Variants in AQP9 observed in about 807,000 individuals in gnomAD.
The protein encoded by AQP9 is aquaporin 9, also known as aquaporin-9.
In AQP9, 19 loss-of-function variants were observed where a neutral mutation model predicts 23.8. That is an observed-to-expected ratio of 0.80 (90% CI 0.56 to 1.17). The LOEUF is 1.17. Ranked by LOEUF, AQP9 falls within the 50% of genes most tolerant of loss-of-function variation. The probability of loss-of-function intolerance (pLI) is 0.00; values close to 1 mark genes in which losing one functional copy is unlikely to be tolerated. For missense variants in AQP9, 413 were observed against 362.0 expected (o/e 1.14, Z -1.14); for synonymous variants, 153 against 131.5 (o/e 1.16, Z -1.12).
chr15:58,140,206 T>C (rs1335616205), intron 1 of AQP9, among the ~76,000 whole-genome samples: 10 of 152,030 alleles, frequency 6.6e-5, no homozygotes, highest in African/African-American at 1.9e-4. Context: ...TCTTTTTTTT[T>C]TTTTTTTTGC....
intron 1 of AQP9, 174 bp downstream of exon 1, chr15:58,138,850 T>C (rs951781796): frequency 8.6e-6 from 5 of 580,692 alleles, no homozygotes; most frequent in Non-Finnish European, 1.5e-5. Flanking sequence ...GGTTGTGATA[T>C]TAAGTTTTCA....
At chr15:58,171,112 G>T (rs145463519) in intron 2 of AQP9, among the ~76,000 whole-genome samples, 2 of 136,216 alleles carry the variant, frequency 1.5e-5, no homozygotes. Flanking sequence ...TTTTTGAGAC[G>T]GAGTTTCGCT....
intron 1 of AQP9, among the ~76,000 whole-genome samples, chr15:58,139,918 A>T (rs1897923731): frequency 6.6e-6 from 1 of 152,216 alleles, no homozygotes; most frequent in Admixed American, 6.5e-5. Context: ...GTAGTAAGAC[A>T]TTATGTAAGT....
At chr15:58,140,533 T>C (rs1263040632) in intron 1 of AQP9, among the ~76,000 whole-genome samples, 2 of 152,206 alleles carry the variant, frequency 1.3e-5, no homozygotes, top group Admixed American at 6.5e-5. Flanking sequence ...TGTTGGAGCT[T>C]GTGGGGATGT....
chr15:58,160,136 A>G (rs8042624), intron 1 of AQP9, among the ~76,000 whole-genome samples: 71,491 of 152,100 alleles, frequency 0.47, 18,135 homozygotes, highest in Admixed American at 0.62. Context: ...CAGCGTATAA[A>G]TGTTCCTCTT....
rs146630455 is a variant in AQP9 at position 58,172,335 on chromosome 15, T to C, written c.239-733T>C. On this transcript the variant is annotated intron_variant, in intron 2 of 5. Coordinates refer to ENST00000219919, the MANE Select transcript of AQP9 (RefSeq NM_020980.5). ...TATTTGATAAATGCTGCTGTTGTTG[T>C]TACTAGCAAAGCCAGCTGGGGATGT... 1.2e-4 allele frequency among the ~76,000 whole-genome samples: 18 copies of C among 152,336 alleles called. No homozygotes were observed. The South Asian group carries it at 2.9e-3, about 25-fold the overall frequency.
chr15:58,150,511 C>CTTCATAGATATAGTAAGACTA (rs1898128681), intron 1 of AQP9: 1 of 152,644 alleles, frequency 6.6e-6, no homozygotes, highest in Non-Finnish European at 1.5e-5. Context: ...GATATTGACA[C>CTTCATAGATATAGTAAGACTA]TTCATAGATA....
At chr15:58,168,064 C>G (rs1462443741) in intron 2 of AQP9, among the ~76,000 whole-genome samples, 4 of 151,974 alleles carry the variant, frequency 2.6e-5, no homozygotes, top group South Asian at 2.1e-4. Flanking sequence ...CTCTGTTGCC[C>G]AGGCTGGAGT....
chr15:58,166,193 G>C (rs575927694), intron 1 of AQP9, among the ~76,000 whole-genome samples: 1 of 152,304 alleles, frequency 6.6e-6, no homozygotes, highest in African/African-American at 2.4e-5. Context: ...AAGTGAGCCA[G>C]TTGGGAAGGC....
intron 2 of AQP9, among the ~76,000 whole-genome samples, chr15:58,171,590 A>G (rs1595741832): frequency 6.6e-6 from 1 of 152,276 alleles, no homozygotes; most frequent in African/African-American, 2.4e-5. Flanking sequence ...AAAACACAAC[A>G]GTTGAAGTGT....
At chr15:58,158,223 C>T (rs983181189) in intron 1 of AQP9, among the ~76,000 whole-genome samples, 1 of 152,098 alleles carries the variant, frequency 6.6e-6, no homozygotes, top group African/African-American at 2.4e-5. Flanking sequence ...CTATGGAAAA[C>T]CTAGTATCCT....
At chr15:58,162,089 G>A (rs974140455) in intron 1 of AQP9, among the ~76,000 whole-genome samples, 1 of 152,186 alleles carries the variant, frequency 6.6e-6, no homozygotes, top group South Asian at 2.1e-4. Flanking sequence ...CCCACCAGAT[G>A]GCAATAGAAG....
chr15:58,160,637 GA>G (rs34090745), intron 1 of AQP9, among the ~76,000 whole-genome samples: 1 of 150,516 alleles, frequency 6.6e-6, no homozygotes, highest in South Asian at 2.1e-4. Flanking sequence ...CAATTAACCT[GA>G]AAAAAAATGT....
chr15:58,144,321 G>T (rs1430572794), intron 1 of AQP9, among the ~76,000 whole-genome samples: 3 of 152,008 alleles, frequency 2.0e-5, no homozygotes, highest in Non-Finnish European at 4.4e-5. Flanking sequence ...TGGGATTGGG[G>T]TCTATTATCT....
At chr15:58,165,370 TA>T (rs1254004664) in intron 1 of AQP9, among the ~76,000 whole-genome samples, 1 of 151,956 alleles carries the variant, frequency 6.6e-6, no homozygotes, top group Non-Finnish European at 1.5e-5. Flanking sequence ...CCCATTTTTT[TA>T]AAAAAATTAG....
intron 1 of AQP9, among the ~76,000 whole-genome samples, chr15:58,147,054 C>T (rs1252546522): frequency 6.6e-6 from 1 of 152,138 alleles, no homozygotes; most frequent in Non-Finnish European, 1.5e-5. Flanking sequence ...AGTTTCAAGG[C>T]GCTTGGGAGA....
intron 1 of AQP9, chr15:58,155,656 A>C (rs933783155): frequency 1.3e-5 from 2 of 151,918 alleles, no homozygotes; most frequent in Non-Finnish European, 2.9e-5. Flanking sequence ...TTCTAGGCCT[A>C]ATTCTCCTCC....
At chr15:58,159,572 A>G (rs1898331227) in intron 1 of AQP9, among the ~76,000 whole-genome samples, 1 of 152,136 alleles carries the variant, frequency 6.6e-6, no homozygotes, top group Non-Finnish European at 1.5e-5. Flanking sequence ...ATTGTTAACT[A>G]TAGTCATGTT....
At chr15:58,169,889 A>G (rs1261706483) in intron 2 of AQP9, among the ~76,000 whole-genome samples, 1 of 152,206 alleles carries the variant, frequency 6.6e-6, no homozygotes, top group Admixed American at 6.5e-5. Flanking sequence ...ACTTGCTTTC[A>G]TTACAAAATA....
Sources: gnomAD v4.1 joint callset for allele counts (sites outside exome capture counted in the v4.1 genomes callset) on GRCh38, gnomAD v4.1.1 for gene constraint, MANE v1.5 for transcripts, NCBI Gene and HGNC (gene_info 2026-07-23, HGNC 2026-07-21) for gene names.